Variants in CTNNA3 observed in about 807,000 individuals in gnomAD.
CTNNA3 encodes the protein catenin alpha 3.
In CTNNA3, 76 loss-of-function variants were observed where a neutral mutation model predicts 95.7. The ratio of observed to expected loss-of-function variants is 0.79; its 90% CI spans 0.66 to 0.96. CTNNA3 has a LOEUF of 0.96. CTNNA3 is among the 40% of genes least tolerant of loss of function. CTNNA3 has a pLI of 0.00. For missense variants in CTNNA3, 1,191 were observed against 1,089.8 expected (o/e 1.09, Z -1.31); for synonymous variants, 431 against 374.4 (o/e 1.15, Z -1.74).
intron 17 of CTNNA3, among the ~76,000 whole-genome samples, chr10:65,948,664 T>C (rs938705540): frequency 1.3e-5 from 2 of 152,228 alleles, no homozygotes; most frequent in Admixed American, 6.5e-5. Flanking sequence ...TCAGGTTTTA[T>C]TGAGGGTCAA....
intron 7 of CTNNA3, among the ~76,000 whole-genome samples, chr10:66,946,517 T>C (rs1356263448): frequency 2.6e-5 from 4 of 152,120 alleles, no homozygotes; most frequent in Non-Finnish European, 1.5e-5. Flanking sequence ...CAGCAGTGTT[T>C]CAAAGCCCCC....
chr10:67,672,747 G>C (rs1382527883), intron 1 of CTNNA3, among the ~76,000 whole-genome samples: 1 of 152,166 alleles, frequency 6.6e-6, no homozygotes, highest in Non-Finnish European at 1.5e-5. Flanking sequence ...GTATCATGCT[G>C]TTTTGGTTAC....
At chr10:66,260,968 C>T (rs1469091512) in intron 13 of CTNNA3, among the ~76,000 whole-genome samples, 1 of 152,048 alleles carries the variant, frequency 6.6e-6, no homozygotes, top group East Asian at 1.9e-4. Context: ...CCTGTTGGAA[C>T]AGTGTATATC....
chr10:66,912,515 T>C (rs926349184), intron 7 of CTNNA3, among the ~76,000 whole-genome samples: 16 of 152,236 alleles, frequency 1.1e-4, no homozygotes, highest in Admixed American at 2.6e-4. Flanking sequence ...CTGTAAGATA[T>C]TGAAAACATT....
intron 5 of CTNNA3, among the ~76,000 whole-genome samples, chr10:67,270,691 T>G (rs1483616487): frequency 1.3e-5 from 2 of 152,188 alleles, no homozygotes; most frequent in Non-Finnish European, 2.9e-5. Flanking sequence ...TTAGCTTTTG[T>G]GTAAGCAACA....
intron 3 of CTNNA3, among the ~76,000 whole-genome samples, chr10:67,589,200 C>T (rs900658621): frequency 9.2e-5 from 14 of 152,164 alleles, no homozygotes; most frequent in Middle Eastern, 3.4e-3. Context: ...TATTTGGAAA[C>T]GCTATTTGAT....
intron 7 of CTNNA3, among the ~76,000 whole-genome samples, chr10:67,114,218 C>A (rs191114550): frequency 1.4e-3 from 211 of 152,066 alleles, no homozygotes; most frequent in African/African-American, 4.8e-3. Context: ...TGAATTTGTA[C>A]CAATGTACTA....
At chr10:67,177,061 A>G in intron 7 of CTNNA3, 1 of 443,652 alleles carries the variant, frequency 2.3e-6, no homozygotes, top group Non-Finnish European at 4.5e-6. Flanking sequence ...AAAACTAACC[A>G]AACATATATA....
At chr10:67,308,449 T>G (rs1404379714) in intron 5 of CTNNA3, among the ~76,000 whole-genome samples, 1 of 152,188 alleles carries the variant, frequency 6.6e-6, no homozygotes, top group Non-Finnish European at 1.5e-5. Context: ...CTTCACCTTC[T>G]GCCATGATTG....
chr10:67,531,300 C>T (rs1465017595), intron 4 of CTNNA3, among the ~76,000 whole-genome samples: 1 of 152,180 alleles, frequency 6.6e-6, no homozygotes, highest in Non-Finnish European at 1.5e-5. Context: ...AATGGCAACC[C>T]ATGAACACAG....
Position 66,696,330 on chromosome 10 carries a change from G to A in CTNNA3, c.1281+69934C>T, listed in dbSNP as rs531942358. On this transcript the variant is annotated intron_variant, in intron 9 of 17. Coordinates refer to ENST00000433211, the MANE Select transcript of CTNNA3 (RefSeq NM_013266.4). ...TCATTTTCCAGCCTTCCTGATAGGC[G>A]TATACTCACATGAGGAGATACAAAA... 1.2e-3 allele frequency among the ~76,000 whole-genome samples: 182 copies of A among 152,140 alleles called. 1 individual carries two copies. The highest frequency in any genetic ancestry group is 4.3e-3 in the African/African-American group (178 of 41,516).
Position 66,379,228 on chromosome 10 carries a change from C to A in CTNNA3, c.1656G>T (p.Thr552=), listed in dbSNP as rs577330671. The A allele has an allele frequency of 1.2e-6, 2 of 1,614,106 alleles. No individual in the cohort carries two copies. Among genetic ancestry groups the A allele is most frequent in the Non-Finnish European group, 8.5e-7 (1 of 1,179,976 alleles). The change falls in exon 12 of 18, where the codon ACG becomes ACT. Residue 552 remains threonine, a synonymous_variant. Transcript: ENST00000433211. ...CTGGCTCGTAACTGTCCATTTCACC[C>A]GTGACGATGTGAGCAACTCTTGCTG... ...GRAARVAHIV[T]GEMDSYEPGA...
intron 7 of CTNNA3, among the ~76,000 whole-genome samples, chr10:66,816,402 G>T (rs1407733233): frequency 6.6e-6 from 1 of 151,754 alleles, no homozygotes; most frequent in Non-Finnish European, 1.5e-5. Flanking sequence ...ATCGACTAAT[G>T]GATTTTTAAA....
intron 7 of CTNNA3, among the ~76,000 whole-genome samples, chr10:66,878,001 G>A (rs184645805): frequency 6.6e-6 from 1 of 152,226 alleles, no homozygotes; most frequent in East Asian, 1.9e-4. Flanking sequence ...TTTCTATGGT[G>A]GGTAAGGAAA....
At chr10:66,346,246 TAGAGAGAGAGAGAGAGAG>T (rs371257440) in intron 12 of CTNNA3, among the ~76,000 whole-genome samples, 2 of 27,788 alleles carry the variant, frequency 7.2e-5, no homozygotes, top group Non-Finnish European at 1.5e-4. Flanking sequence ...TATATATATA[TAGAGAGAGAGAGAGAGAG>T]AGAGAGAGAG....
intron 13 of CTNNA3, among the ~76,000 whole-genome samples, chr10:66,184,288 G>C (rs982999748): frequency 1.3e-5 from 2 of 152,110 alleles, no homozygotes; most frequent in Non-Finnish European, 2.9e-5. Flanking sequence ...GGCAGAGCAA[G>C]ACTCTGTCTC....
chr10:67,011,163 A>G (rs1852306315), intron 7 of CTNNA3, among the ~76,000 whole-genome samples: 2 of 152,016 alleles, frequency 1.3e-5, no homozygotes, highest in African/African-American at 2.4e-5. Context: ...CCCCGTCTCT[A>G]CTAAAAATAC....
chr10:66,384,227 G>A (rs1012074011), intron 11 of CTNNA3, among the ~76,000 whole-genome samples: 2 of 152,012 alleles, frequency 1.3e-5, no homozygotes, highest in South Asian at 2.1e-4. Flanking sequence ...ATGCATATAG[G>A]CTCAAAATAA....
chr10:67,633,440 C>G lies in CTNNA3; in HGVS notation c.99+13975G>C, dbSNP rs143137815. ...ATTCCTCCTGACCAAGTGAGCCCTC[C>G]CAACAGGAGTCTACAGACACTTCCT... On this transcript the variant is annotated intron_variant, in intron 2 of 17. Transcript: ENST00000433211. 1.9e-3 allele frequency among the ~76,000 whole-genome samples: 285 copies of G among 152,328 alleles called. 2 individuals are homozygous for G. The highest frequency in any genetic ancestry group is 1.6e-3 in the Non-Finnish European group (112 of 68,034).
Sources: allele counts gnomAD v4.1 joint callset (sites outside exome capture counted in the v4.1 genomes callset), GRCh38; gene constraint gnomAD v4.1.1; transcripts MANE v1.5; gene names NCBI Gene and HGNC (gene_info 2026-07-23, HGNC 2026-07-21).